Variants in ABTB3 observed in about 807,000 individuals in gnomAD.
ABTB3 encodes the protein ankyrin repeat and BTB domain containing 3, also known as ankyrin repeat- and BTB/POZ domain-containing protein 3.
chr12:107,514,629 C>T, the ABTB3 span, among the ~76,000 whole-genome samples: 2 of 152,124 alleles, frequency 1.3e-5, no homozygotes, highest in Admixed American at 1.3e-4. Flanking sequence ...AGGACCTTCT[C>T]CCTGACCAAG....
the ABTB3 span, among the ~76,000 whole-genome samples, chr12:107,652,396 G>A: frequency 0.52 from 79,237 of 151,998 alleles, 21,162 homozygotes; most frequent in East Asian, 0.67. Flanking sequence ...TAAACTTCCT[G>A]TGCCTGGGAC....
chr12:107,612,890 AG>A, the ABTB3 span: 1 of 1,609,218 alleles, frequency 6.2e-7, no homozygotes, highest in Admixed American at 1.7e-5. Context: ...AGAGGCCAGC[AG>A]GGCCCCTCGG....
At chr12:107,362,252 G>C in the ABTB3 span, among the ~76,000 whole-genome samples, 3 of 152,176 alleles carry the variant, frequency 2.0e-5, no homozygotes, top group Non-Finnish European at 4.4e-5. Flanking sequence ...CCTCAACCTG[G>C]AACTATGGTA....
chr12:107,621,791 C>A, the ABTB3 span, among the ~76,000 whole-genome samples: 1 of 152,210 alleles, frequency 6.6e-6, no homozygotes, highest in Non-Finnish European at 1.5e-5. Flanking sequence ...TTTGTTTTGC[C>A]TGGAGCCACA....
At chr12:107,575,771 G>A in the ABTB3 span, among the ~76,000 whole-genome samples, 12 of 152,068 alleles carry the variant, frequency 7.9e-5, no homozygotes, top group African/African-American at 2.9e-4. Context: ...GGCCCACCTG[G>A]AGGCTCCTGA....
the ABTB3 span, among the ~76,000 whole-genome samples, chr12:107,384,326 T>C: frequency 6.6e-6 from 1 of 152,132 alleles, no homozygotes; most frequent in East Asian, 1.9e-4. Context: ...CAGCCAACAA[T>C]GTCGTTAACC....
the ABTB3 span, among the ~76,000 whole-genome samples, chr12:107,384,469 T>C: frequency 2.6e-5 from 4 of 152,184 alleles, no homozygotes; most frequent in African/African-American, 9.7e-5. Context: ...GTTCCCTAAG[T>C]GCATCTTGGC....
At chr12:107,477,639 G>T in the ABTB3 span, among the ~76,000 whole-genome samples, 1 of 152,084 alleles carries the variant, frequency 6.6e-6, no homozygotes, top group Admixed American at 6.5e-5. Context: ...CTATTGTATT[G>T]ATTTGATTCT....
At chr12:107,383,636 C>A in the ABTB3 span, among the ~76,000 whole-genome samples, 3 of 152,164 alleles carry the variant, frequency 2.0e-5, no homozygotes, top group African/African-American at 7.2e-5. Context: ...AGGGGACAGG[C>A]GCCTGTTCTC....
chr12:107,464,521 GGC>G, the ABTB3 span, among the ~76,000 whole-genome samples: 2 of 152,120 alleles, frequency 1.3e-5, no homozygotes, highest in East Asian at 1.9e-4. Flanking sequence ...ATGTTGCCCA[GGC>G]TGGTCTCAAA....
the ABTB3 span, among the ~76,000 whole-genome samples, chr12:107,493,093 A>G: frequency 6.6e-6 from 1 of 152,110 alleles, no homozygotes; most frequent in Non-Finnish European, 1.5e-5. Flanking sequence ...AAAAAAAAAA[A>G]AAGTCTCTTC....
chr12:107,416,994 A>T, the ABTB3 span, among the ~76,000 whole-genome samples: 1 of 152,170 alleles, frequency 6.6e-6, no homozygotes, highest in Non-Finnish European at 1.5e-5. Context: ...TGAGAACAGG[A>T]TCCCTAGTGA....
the ABTB3 span, among the ~76,000 whole-genome samples, chr12:107,542,494 A>G: frequency 6.6e-6 from 1 of 152,182 alleles, no homozygotes; most frequent in Non-Finnish European, 1.5e-5. Context: ...GAAAGGCTCC[A>G]TTTGATATCA....
the ABTB3 span, chr12:107,319,855 C>T: frequency 1.6e-6 from 2 of 1,223,216 alleles, no homozygotes; most frequent in Non-Finnish European, 2.1e-6. Context: ...GCGCAGCCAG[C>T]AGCGCCAGCG....
At chr12:107,543,264 G>A in the ABTB3 span, among the ~76,000 whole-genome samples, 51 of 149,306 alleles carry the variant, frequency 3.4e-4, no homozygotes, top group African/African-American at 8.4e-4. Context: ...GATTGAACCC[G>A]GAAGGCAGAA....
At chr12:107,404,701 G>T in the ABTB3 span, among the ~76,000 whole-genome samples, 5 of 152,150 alleles carry the variant, frequency 3.3e-5, no homozygotes, top group Non-Finnish European at 5.9e-5. Context: ...ATGGTGCTCT[G>T]CTGCTTGTTC....
the ABTB3 span, among the ~76,000 whole-genome samples, chr12:107,451,564 G>A: frequency 3.3e-5 from 5 of 152,158 alleles, no homozygotes; most frequent in African/African-American, 1.2e-4. Flanking sequence ...GTTTCCCACT[G>A]ACCTCGCGGT....
chr12:107,414,923 A>G, the ABTB3 span, among the ~76,000 whole-genome samples: 5 of 152,056 alleles, frequency 3.3e-5, no homozygotes, highest in Admixed American at 6.5e-5. Context: ...CATGTTGGCC[A>G]GGCTGATCTC....
the ABTB3 span, among the ~76,000 whole-genome samples, chr12:107,523,081 G>C: frequency 3.3e-5 from 5 of 152,146 alleles, no homozygotes; most frequent in Non-Finnish European, 5.9e-5. Context: ...TTAAAGTGGG[G>C]GTTGGTATTG....
Sources: gnomAD v4.1 joint callset for allele counts (sites outside exome capture counted in the v4.1 genomes callset) on GRCh38, gnomAD v4.1.1 for gene constraint, MANE v1.5 for transcripts, NCBI Gene and HGNC (gene_info 2026-07-23, HGNC 2026-07-21) for gene names.